The following SNX29 variants were observed in gnomAD, a reference collection of about 807,000 sequenced individuals.
SNX29 encodes sorting nexin-29.
In SNX29, 78 loss-of-function variants were observed where a neutral mutation model predicts 102.1. The observed-to-expected ratio is 0.76, with a 90% CI of 0.64 to 0.92. SNX29 has a LOEUF of 0.92. Among genes scored for constraint, SNX29 ranks in the 40% least tolerant of loss-of-function variants. The pLI is 0.00. For synonymous variants in SNX29, 580 were observed against 414.5 expected, an observed-to-expected ratio of 1.40 and a Z score of -4.85; for missense variants, 1,280 against 1,061.7, an observed-to-expected ratio of 1.21 and a Z score of -2.86.
At chr16:12,536,354 G>A (rs1320085537) in intron 20 of SNX29, among the ~76,000 whole-genome samples, 1 of 152,070 alleles carries the variant, frequency 6.6e-6, no homozygotes. Context: ...CGTACTGTCA[G>A]GGTTGGGGGT....
chr16:12,513,018 C>A (rs2089701427), intron 19 of SNX29, among the ~76,000 whole-genome samples: 1 of 152,106 alleles, frequency 6.6e-6, no homozygotes, highest in Non-Finnish European at 1.5e-5. Flanking sequence ...CCCTGGCCTC[C>A]AAGGCAGTGT....
intron 16 of SNX29, among the ~76,000 whole-genome samples, chr16:12,398,063 C>CTG (rs1405035224): frequency 6.6e-6 from 1 of 152,156 alleles, no homozygotes; most frequent in African/African-American, 2.4e-5. Flanking sequence ...CTGGGTGTGT[C>CTG]TGTGTGTGTG....
At chr16:12,178,514 C>G (rs1488763090) in intron 13 of SNX29, among the ~76,000 whole-genome samples, 1 of 152,190 alleles carries the variant, frequency 6.6e-6, no homozygotes, top group Non-Finnish European at 1.5e-5. Context: ...GCCCAGGACA[C>G]AAGGGGCCAG....
intron 15 of SNX29, among the ~76,000 whole-genome samples, chr16:12,334,943 T>A (rs77890594): frequency 7.1e-6 from 1 of 141,210 alleles, no homozygotes; most frequent in African/African-American, 2.7e-5. Flanking sequence ...GTCTTTCAAA[T>A]TTGATGTCAT....
At chr16:12,260,933 C>T (rs564935192) in intron 14 of SNX29, among the ~76,000 whole-genome samples, 2 of 151,336 alleles carry the variant, frequency 1.3e-5, no homozygotes, top group African/African-American at 2.4e-5. Context: ...TGCACGCGCC[C>T]CCGGCTGGAG....
intron 15 of SNX29, among the ~76,000 whole-genome samples, chr16:12,307,023 A>G (rs953911308): frequency 6.6e-6 from 1 of 151,994 alleles, no homozygotes; most frequent in African/African-American, 2.4e-5. Flanking sequence ...GATGCTTAGT[A>G]TGGGCCTTAC....
At chr16:12,523,309 T>C (rs780386315) in intron 19 of SNX29, among the ~76,000 whole-genome samples, 9 of 152,356 alleles carry the variant, frequency 5.9e-5, no homozygotes, top group Non-Finnish European at 1.2e-4. Flanking sequence ...TTTCCTCATC[T>C]GTTACGCGCC....
chr16:11,980,718 G>A (rs990945094), intron 1 of SNX29, among the ~76,000 whole-genome samples: 8 of 152,076 alleles, frequency 5.3e-5, no homozygotes, highest in South Asian at 2.1e-4. Context: ...GTATTTCTTC[G>A]TAGTTTTGAT....
At chr16:12,561,658 C>T (rs920685216) in intron 20 of SNX29, among the ~76,000 whole-genome samples, 5 of 152,138 alleles carry the variant, frequency 3.3e-5, no homozygotes, top group African/African-American at 7.2e-5. Flanking sequence ...CTCCTGGGGC[C>T]CTCTGAGGGT....
intron 1 of SNX29, among the ~76,000 whole-genome samples, chr16:11,990,086 C>T (rs892947491): frequency 2.0e-5 from 3 of 152,188 alleles, no homozygotes; most frequent in Non-Finnish European, 2.9e-5. Context: ...TTGTTTGTTT[C>T]ACCAGGGCGG....
chr16:12,240,752 T>G (rs556551375), intron 14 of SNX29, among the ~76,000 whole-genome samples: 2 of 151,984 alleles, frequency 1.3e-5, no homozygotes, highest in South Asian at 4.2e-4. Context: ...AGTGTGTGTG[T>G]GTGCCACCAT....
At position 12,455,400 on chromosome 16, in the gene SNX29, C is replaced by T. The variant is rs976261452; in HGVS notation, c.2038-22319C>T. ...CACACACCAGGCAAGCCCTGCATAC[C>T]GGCTTGGCCAGCACCCGCCGTGGCT... On this transcript the variant is annotated intron_variant, in intron 18 of 20. Transcript: ENST00000566228. Among the ~76,000 whole-genome samples, 14 of 152,320 alleles carry T rather than the reference C, an allele frequency of 9.2e-5. No homozygotes were observed. The East Asian group carries it at 1.2e-3, about 13-fold the overall frequency.
chr16:12,117,273 C>T lies in SNX29; in HGVS notation c.1403-9360C>T, dbSNP rs11860261. Among the ~76,000 whole-genome samples, 967 of 143,398 alleles carry T rather than the reference C, an allele frequency of 6.7e-3. 1 individual carries two copies. The highest frequency in any genetic ancestry group is 0.036 in the South Asian group (153 of 4,284). The allele number at this position is 143,398 out of a possible 152,430, so 94.1% of individuals were successfully genotyped here. On this transcript the variant is annotated intron_variant, in intron 11 of 20. Transcript: ENST00000566228. ...ACCGTGGAAACAGGCGTGGTCAATACGTGCTTCAACGCGGACGAACCGTGG... is the reference window on the plus strand; with the variant it reads ...ACCGTGGAAACAGGCGTGGTCAATATGTGCTTCAACGCGGACGAACCGTGG...
chr16:12,531,592 C>T (rs139889346), intron 20 of SNX29, among the ~76,000 whole-genome samples: 84 of 152,200 alleles, frequency 5.5e-4, no homozygotes, highest in Middle Eastern at 6.8e-3. Flanking sequence ...GGGATGAGGA[C>T]GGTGAGAGTT....
chr16:12,164,383 C>T (rs1206753411), intron 13 of SNX29, among the ~76,000 whole-genome samples: 1 of 152,202 alleles, frequency 6.6e-6, no homozygotes, highest in Non-Finnish European at 1.5e-5. Flanking sequence ...TAGTGAATGA[C>T]TGTAATAAGG....
At chr16:12,555,907 C>T (rs886552751) in intron 20 of SNX29, among the ~76,000 whole-genome samples, 1 of 151,380 alleles carries the variant, frequency 6.6e-6, no homozygotes, top group Non-Finnish European at 1.5e-5. Context: ...TGGTCTCAAA[C>T]CTTATTTTTG....
chr16:12,219,357 T>C (rs758577070), intron 14 of SNX29, among the ~76,000 whole-genome samples: 7 of 152,124 alleles, frequency 4.6e-5, no homozygotes, highest in Non-Finnish European at 8.8e-5. Flanking sequence ...CATACACATA[T>C]GTGTATATAG....
chr16:12,193,117 G>A (rs981548823), intron 13 of SNX29, among the ~76,000 whole-genome samples: 10 of 152,230 alleles, frequency 6.6e-5, no homozygotes, highest in Non-Finnish European at 1.0e-4. Context: ...TTACAGGAAT[G>A]TGCCACTGCG....
chr16:12,376,839 T>C (rs1012475272), intron 16 of SNX29, among the ~76,000 whole-genome samples: 4 of 152,118 alleles, frequency 2.6e-5, no homozygotes, highest in African/African-American at 9.7e-5. Flanking sequence ...TCCCTTCTCT[T>C]TCCTCTGTCT....
Sources: allele counts gnomAD v4.1 joint callset (sites outside exome capture counted in the v4.1 genomes callset), GRCh38; gene constraint gnomAD v4.1.1; transcripts MANE v1.5; gene names NCBI Gene and HGNC (gene_info 2026-07-23, HGNC 2026-07-21).